The following ADD3 variants were observed in gnomAD, a reference collection of about 807,000 sequenced individuals.
ADD3 encodes gamma-adducin.
In ADD3, 25 loss-of-function variants were observed where a neutral mutation model predicts 80.2. The ratio of observed to expected loss-of-function variants is 0.31; its 90% confidence interval spans 0.23 to 0.44. The LOEUF is 0.44. Among genes scored for constraint, ADD3 ranks in the 20% least tolerant of loss-of-function variants. The probability of loss-of-function intolerance (pLI) is 1.00; values close to 1 mark genes in which losing one functional copy is unlikely to be tolerated. For synonymous variants in ADD3, 284 were observed against 289.6 expected (o/e 0.98, Z 0.20); for missense variants, 829 against 847.5 (o/e 0.98, Z 0.27).
intron 1 of ADD3, among the ~76,000 whole-genome samples, chr10:110,054,443 T>C (rs961080795): frequency 2.8e-5 from 4 of 145,018 alleles, no homozygotes; most frequent in African/African-American, 1.0e-4. Flanking sequence ...TTTTCTCTTT[T>C]TTTTTTTTTT....
At chr10:110,026,997 C>G (rs762110055) in intron 1 of ADD3, among the ~76,000 whole-genome samples, 15 of 152,134 alleles carry the variant, frequency 9.9e-5, no homozygotes, top group Non-Finnish European at 1.9e-4. Context: ...CTTTTCTAGT[C>G]TTCTGTACTT....
intron 1 of ADD3, among the ~76,000 whole-genome samples, chr10:110,039,600 A>G (rs1255359279): frequency 6.6e-6 from 1 of 152,256 alleles, no homozygotes; most frequent in African/African-American, 2.4e-5. Context: ...AAAATACTGT[A>G]TTAGTTATCT....
At chr10:110,065,012 C>T (rs867394536) in intron 1 of ADD3, among the ~76,000 whole-genome samples, 1 of 151,894 alleles carries the variant, frequency 6.6e-6, no homozygotes, top group Non-Finnish European at 1.5e-5. Flanking sequence ...GAGCTGAGAT[C>T]TTGTCTAGGC....
chr10:109,999,058 A>T (rs368860974), intron 1 of ADD3, among the ~76,000 whole-genome samples: 2 of 152,202 alleles, frequency 1.3e-5, no homozygotes, highest in Admixed American at 6.5e-5. Flanking sequence ...TTCAACAAAT[A>T]CTGTTGCCTT....
At chr10:110,070,508 A>G (rs1330883519) in intron 1 of ADD3, among the ~76,000 whole-genome samples, 2 of 152,238 alleles carry the variant, frequency 1.3e-5, no homozygotes, top group African/African-American at 4.8e-5. Context: ...GGTTGCAGAG[A>G]ATAAATTGAT....
intron 1 of ADD3, among the ~76,000 whole-genome samples, chr10:110,086,940 G>T (rs1322369460): frequency 2.0e-5 from 3 of 152,208 alleles, no homozygotes; most frequent in South Asian, 2.1e-4. Context: ...TGTGGGTTCA[G>T]TGGTCTCCAA....
At chr10:110,032,237 G>A (rs1034587591) in intron 1 of ADD3, among the ~76,000 whole-genome samples, 13 of 152,194 alleles carry the variant, frequency 8.5e-5, no homozygotes, top group African/African-American at 2.7e-4. Flanking sequence ...ATCTCTTAAT[G>A]GCCATGTCCT....
chr10:110,021,299 T>C (rs1853639093), intron 1 of ADD3, among the ~76,000 whole-genome samples: 1 of 152,190 alleles, frequency 6.6e-6, no homozygotes, highest in Non-Finnish European at 1.5e-5. Context: ...TGGAACAGTC[T>C]GGCTGTTCCT....
At position 110,130,381 on chromosome 10, in the gene ADD3, G is replaced by T; in HGVS notation, c.1627G>T (p.Asp543Tyr). 6.2e-7 allele frequency: 1 copy of T among 1,614,020 alleles called. No individual in the cohort carries two copies. The highest frequency in any genetic ancestry group is 8.5e-7 in the Non-Finnish European group (1 of 1,179,938). The change falls in exon 13 of 15, where the codon GAT (aspartate) becomes TAT (tyrosine). Residue 543 changes from aspartate to tyrosine, a missense_variant. Transcript: ENST00000356080. ...TTGTAAGACTATGCAATTTGAAGAT[G>T]ATGATCATGGCCCACCAGCTCCTCC... The part of the protein sequence containing the change: ...KPPSTMQFED[D>Y]DHGPPAPPNP...
chr10:110,062,594 A>G (rs1314304838), intron 1 of ADD3, among the ~76,000 whole-genome samples: 1 of 152,196 alleles, frequency 6.6e-6, no homozygotes, highest in Non-Finnish European at 1.5e-5. Context: ...ATTAAATAAA[A>G]TTAATACAAA....
At chr10:110,129,570 C>T in intron 12 of ADD3, among the ~76,000 whole-genome samples, 1 of 152,144 alleles carries the variant, frequency 6.6e-6, no homozygotes, top group Non-Finnish European at 1.5e-5. Flanking sequence ...GAACATGTTC[C>T]TCTATTTTCA....
intron 1 of ADD3, among the ~76,000 whole-genome samples, chr10:110,052,549 C>G (rs1039443529): frequency 2.4e-4 from 36 of 152,292 alleles, no homozygotes; most frequent in African/African-American, 8.7e-4. Context: ...GGAAACCATC[C>G]CCTTTCTTCC....
chr10:110,046,610 G>C (rs1242559921), intron 1 of ADD3, among the ~76,000 whole-genome samples: 2 of 152,122 alleles, frequency 1.3e-5, no homozygotes, highest in African/African-American at 4.8e-5. Context: ...TGTTACAAGA[G>C]CCAAGGGTAT....
intron 1 of ADD3, among the ~76,000 whole-genome samples, chr10:110,037,809 G>A (rs1855839904): frequency 6.7e-6 from 1 of 149,896 alleles, no homozygotes; most frequent in African/African-American, 2.5e-5. Context: ...GCTCAAGCCT[G>A]TAATCCCAGC....
chr10:110,105,234 T>C lies in ADD3; in HGVS notation c.195+4386T>C, dbSNP rs925094987. 1.6e-4 allele frequency among the ~76,000 whole-genome samples: 25 copies of C among 152,162 alleles called. 1 individual carries two copies. Among genetic ancestry groups the C allele is most frequent in the Non-Finnish European group, 3.1e-4 (21 of 68,020 alleles). ...TAGAAATCAAATACCACTTGGTAAA[T>C]TAATTTGGCTTGAGATTTTGTTGCA... On this transcript the variant is annotated intron_variant, in intron 2 of 14. Coordinates refer to ENST00000356080, the MANE Select transcript of ADD3 (RefSeq NM_016824.5).
At chr10:110,006,757 G>A (rs1363269769), upstream of ADD3, among the ~76,000 whole-genome samples, 1 of 151,872 alleles carries the variant, frequency 6.6e-6, no homozygotes, top group East Asian at 1.9e-4. Flanking sequence ...AGGAGGGGGG[G>A]GATGAAGATG....
chr10:110,134,203 G>A lies in ADD3; in HGVS notation c.*585G>A, dbSNP rs533647748. 8 of 152,412 alleles carry A rather than the reference G, an allele frequency of 5.2e-5. No homozygotes were observed. Among genetic ancestry groups the A allele is most frequent in the Admixed American group, 3.3e-4 (5 of 15,264 alleles). The allele number at this position is 152,412 out of a possible 1,614,324, so 9.4% of individuals were successfully genotyped here. ...TTCCTCACCTGAAGTAACTTTGTTTGCCAAAAAAGTTGTTTTAATAAACTA... is the reference window on the plus strand; with the variant it reads ...TTCCTCACCTGAAGTAACTTTGTTTACCAAAAAAGTTGTTTTAATAAACTA... On this transcript the variant is annotated 3_prime_UTR_variant, in exon 15 of 15. Coordinates refer to ENST00000356080, the MANE Select transcript of ADD3 (RefSeq NM_016824.5).
At chr10:110,066,278 C>T (rs371516425) in intron 1 of ADD3, among the ~76,000 whole-genome samples, 6 of 152,052 alleles carry the variant, frequency 3.9e-5, no homozygotes, top group African/African-American at 1.4e-4. Context: ...CTCTCTCTGT[C>T]GCCCAGGCTG....
At chr10:110,099,334 C>CAA (rs961240094) in intron 1 of ADD3, among the ~76,000 whole-genome samples, 84 of 151,966 alleles carry the variant, frequency 5.5e-4, no homozygotes, top group African/African-American at 2.0e-3. Flanking sequence ...AATATTTCTT[C>CAA]AAAAAAATCA....
Sources: gnomAD v4.1 joint callset for allele counts (sites outside exome capture counted in the v4.1 genomes callset) on GRCh38, gnomAD v4.1.1 for gene constraint, MANE v1.5 for transcripts, NCBI Gene and HGNC (gene_info 2026-07-23, HGNC 2026-07-21) for gene names.